Variants in TOP1 observed in about 807,000 individuals in gnomAD.
The protein encoded by TOP1 is DNA topoisomerase 1.
Under a neutral mutation model 111.1 loss-of-function variants are expected in TOP1, and 10 were observed. The ratio of observed to expected loss-of-function variants is 0.09; its 90% CI spans 0.06 to 0.15. TOP1 has a LOEUF of 0.15. Ranked by LOEUF, TOP1 falls within the 10% of genes least tolerant of loss-of-function variation. The pLI, the probability that TOP1 is intolerant of heterozygous loss-of-function variation, is 1.00. For missense variants in TOP1, 474 were observed against 926.7 expected (o/e 0.51, Z 6.34); for synonymous variants, 271 against 302.9 (o/e 0.89, Z 1.10).
chr20:41,048,338 TATCTG>T (rs1479729886), intron 2 of TOP1, among the ~76,000 whole-genome samples: 9 of 152,222 alleles, frequency 5.9e-5, no homozygotes, highest in Non-Finnish European at 1.3e-4. Flanking sequence ...TGTGTTAAAA[TATCTG>T]AGGATGATTC....
intron 13 of TOP1, among the ~76,000 whole-genome samples, chr20:41,111,374 A>G (rs2034237046): frequency 6.6e-6 from 1 of 152,190 alleles, no homozygotes; most frequent in African/African-American, 2.4e-5. Context: ...CAACTACTAA[A>G]TCACCCACCC....
At position 41,069,530 on chromosome 20, in the gene TOP1, GTT is replaced by G. The variant is rs930794923; in HGVS notation, c.156-6638_156-6637del. On this transcript the variant is annotated intron_variant, in intron 3 of 20. Transcript: ENST00000361337. The surrounding 1 kb of genome is among the most constrained non-coding windows in gnomAD (Gnocchi z 4.1). ...TTAACTTCTCTGGGTCTCATTTTCTGTTTTGGTCAAGGGTTGATAACAGTACC... is the reference window on the plus strand; with the variant it reads ...TTAACTTCTCTGGGTCTCATTTTCTGTTGGTCAAGGGTTGATAACAGTACC... 6.6e-6 allele frequency among the ~76,000 whole-genome samples: 1 copy of G among 152,178 alleles called. No individual in the cohort carries two copies. The highest frequency in any genetic ancestry group is 2.4e-5 in the African/African-American group (1 of 41,446).
rs2033930005 is a variant in TOP1 at position 41,092,322 on chromosome 20, G to T, written c.615-150G>T. 2.2e-6 allele frequency: 1 copy of T among 457,390 alleles called. No homozygotes were observed. The highest frequency in any genetic ancestry group is 4.0e-5 in the Admixed American group (1 of 25,294). 28.3% of individuals were successfully genotyped at this position (457,390 alleles called of 1,614,324 possible). A position where few individuals can be genotyped will look rare whatever the true frequency, so the allele number is the denominator to read the frequency against. On this transcript the variant is annotated intron_variant, in intron 8 of 20. Coordinates refer to ENST00000361337, the MANE Select transcript of TOP1 (RefSeq NM_003286.4). The surrounding 1 kb of genome is among the most constrained non-coding windows in gnomAD (Gnocchi z 4.3). The stretch of plus-strand genomic sequence containing the variant: ...GGCTTTTTCAAAATGAGAGACACTG[G>T]TTCTTTTGATCCAGGCCTTGAATGT...
Position 41,104,093 on chromosome 20 carries a change from G to T in TOP1, c.1308+2740G>T, listed in dbSNP as rs187699203. ...CTCTTTAACATGGCATTTAAAGCTG[G>T]CCACATTTAGCAGTGGATGTCACAG... On this transcript the variant is annotated intron_variant, in intron 13 of 20. Coordinates refer to ENST00000361337, the MANE Select transcript of TOP1 (RefSeq NM_003286.4). 6.6e-5 allele frequency among the ~76,000 whole-genome samples: 10 copies of T among 152,254 alleles called. No homozygotes were observed. The East Asian group carries it at 1.9e-3, about 29-fold the overall frequency.
In TOP1 at chr20:41,102,693, T is replaced by C. The variant is rs547095181; in HGVS notation, c.1308+1340T>C. On this transcript the variant is annotated intron_variant, in intron 13 of 20. Coordinates refer to ENST00000361337, the MANE Select transcript of TOP1 (RefSeq NM_003286.4). This position sits in a 1 kb window ranked among gnomAD's most constrained non-coding sequence, Gnocchi z 4.0. ...TACAAAATCAGAAAGCGAACACTTA[T>C]GTTGAGCAGACTAGTCATTTAAAGA... is the stretch of plus-strand genomic sequence containing the variant. 2.2e-4 allele frequency among the ~76,000 whole-genome samples: 33 copies of C among 152,332 alleles called. No individual in the cohort carries two copies. The highest frequency in any genetic ancestry group is 5.9e-4 in the Admixed American group (9 of 15,300).
chr20:41,042,044 G>C (rs1297081972), intron 2 of TOP1, among the ~76,000 whole-genome samples: 2 of 152,076 alleles, frequency 1.3e-5, no homozygotes, highest in Admixed American at 1.3e-4. Context: ...GAGTACCTGG[G>C]ATTACAGGCA....
chr20:41,080,237 T>C lies in TOP1; in HGVS notation c.431+57T>C. On this transcript the variant is annotated intron_variant, in intron 6 of 20. Coordinates refer to ENST00000361337, the MANE Select transcript of TOP1 (RefSeq NM_003286.4). This position sits in a 1 kb window ranked among gnomAD's most constrained non-coding sequence, Gnocchi z 5.0. ...AAACAAAAAGGAGGAGTTTAAAGAATAAATGTGATGTGTTTCTTTATAATA... is the reference window on the plus strand; with the variant it reads ...AAACAAAAAGGAGGAGTTTAAAGAACAAATGTGATGTGTTTCTTTATAATA... 9.6e-7 allele frequency: 1 copy of C among 1,038,104 alleles called. No homozygotes were observed. Among genetic ancestry groups the C allele is most frequent in the Non-Finnish European group, 1.4e-6 (1 of 690,600 alleles). The allele number at this position is 1,038,104 out of a possible 1,614,324, so 64.3% of individuals were successfully genotyped here.
chr20:41,055,026 C>T (rs939911568), intron 2 of TOP1, among the ~76,000 whole-genome samples: 1 of 152,160 alleles, frequency 6.6e-6, no homozygotes, highest in South Asian at 2.1e-4. Flanking sequence ...ATCTGTTTAA[C>T]TTATCTGTCC....
rs1038334735 is a variant in TOP1, at chr20:41,028,859, C to T, written c.-209C>T. The T allele has an allele frequency of 7.2e-6, 4 of 554,622 alleles. No homozygotes were observed. The highest frequency in any genetic ancestry group is 4.0e-5 in the African/African-American group (2 of 49,806). 34.4% of individuals were successfully genotyped at this position (554,622 alleles called of 1,614,324 possible). ...TAGGCTGTTACACAACTGCTGGGGT[C>T]TGTTCTCGCCGCCCGCCCGGCAGTC... On this transcript the variant is annotated 5_prime_UTR_variant, in exon 1 of 21. Transcript: ENST00000361337.
Position 41,029,123 on chromosome 20 carries a change from CGGCCCCG to C in TOP1, c.33+25_33+31del. The C allele has an allele frequency of 6.8e-7, 1 of 1,476,916 alleles. No individual in the cohort carries two copies. The highest frequency in any genetic ancestry group is 9.0e-7 in the Non-Finnish European group (1 of 1,114,478). 91.5% of individuals were successfully genotyped at this position (1,476,916 alleles called of 1,614,324 possible). A position where few individuals can be genotyped will look rare whatever the true frequency, so the allele number is the denominator to read the frequency against. Reference sequence around the variant, plus strand: ...CAGGTACGGCCCGGCCTGACCCTGGCGGCCCCGGACCCCGGCCTGGCCGTCCCGCGAC... The same window carrying C: ...CAGGTACGGCCCGGCCTGACCCTGGCGACCCCGGCCTGGCCGTCCCGCGAC... On this transcript the variant is annotated intron_variant, in intron 1 of 20. Coordinates refer to ENST00000361337, the MANE Select transcript of TOP1 (RefSeq NM_003286.4). The surrounding 1 kb of genome is among the most constrained non-coding windows in gnomAD (Gnocchi z 6.1).
In TOP1 at chr20:41,118,934, C is replaced by T. The variant is rs1277564454; in HGVS notation, c.1950+638C>T. Among the ~76,000 whole-genome samples the T allele has an allele frequency of 5.3e-5, 8 of 152,176 alleles. No homozygotes were observed. Among genetic ancestry groups the T allele is most frequent in the African/African-American group, 1.7e-4 (7 of 41,428 alleles). Reference sequence around the variant, plus strand: ...GGTACTGAGCTTTTAAACCATAAGGCACTTAACATTTGATGATGAACATTT... The same window carrying T: ...GGTACTGAGCTTTTAAACCATAAGGTACTTAACATTTGATGATGAACATTT... On this transcript the variant is annotated intron_variant, in intron 18 of 20. Coordinates refer to ENST00000361337, the MANE Select transcript of TOP1 (RefSeq NM_003286.4). The surrounding 1 kb of genome is among the most constrained non-coding windows in gnomAD (Gnocchi z 4.6).
Position 41,094,369 on chromosome 20 carries a change from A to C in TOP1, c.730+1782A>C, listed in dbSNP as rs17264166. Among the ~76,000 whole-genome samples the C allele has an allele frequency of 0.068, 10,296 of 152,288 alleles. 374 individuals are homozygous for C. The highest frequency in any genetic ancestry group is 0.17 in the Middle Eastern group (50 of 292). ...CTTGAAGAGCACCATCTCAAAGCGT[A>C]GGTATTCCGTAGGCCTGGTCTGGAC... On this transcript the variant is annotated intron_variant, in intron 9 of 20. Transcript: ENST00000361337. This position sits in a 1 kb window ranked among gnomAD's most constrained non-coding sequence, Gnocchi z 4.4.
Position 41,116,467 on chromosome 20 carries a change from G to A in TOP1, c.1822+75G>A. On this transcript the variant is annotated intron_variant, in intron 17 of 20. Transcript: ENST00000361337. This position sits in a 1 kb window ranked among gnomAD's most constrained non-coding sequence, Gnocchi z 5.6. ...GGTGACCTTGCTTATCTAAGGCCTAGAGTCAGTTCTACTTTTTTTCCCTAC... is the reference window on the plus strand; with the variant it reads ...GGTGACCTTGCTTATCTAAGGCCTAAAGTCAGTTCTACTTTTTTTCCCTAC... 8.5e-7 allele frequency: 1 copy of A among 1,175,418 alleles called. No individual in the cohort carries two copies. Among genetic ancestry groups the A allele is most frequent in the South Asian group, 1.3e-5 (1 of 78,002 alleles). 72.8% of individuals were successfully genotyped at this position (1,175,418 alleles called of 1,614,324 possible).
chr20:41,084,913 G>A (rs949647178), intron 8 of TOP1, among the ~76,000 whole-genome samples: 5 of 152,080 alleles, frequency 3.3e-5, no homozygotes, highest in Non-Finnish European at 2.9e-5. Context: ...AAAACTGCCT[G>A]TTCAACAACA....
chr20:41,101,094 T>C lies in TOP1; in HGVS notation c.1164-115T>C, dbSNP rs570882975. ...CATAAGGTGGGACTACTGTATTGAC[T>C]GTTAAGAAGGAAACTTGGAAAATTA... On this transcript the variant is annotated intron_variant, in intron 12 of 20. Transcript: ENST00000361337. The surrounding 1 kb of genome is among the most constrained non-coding windows in gnomAD (Gnocchi z 4.1). 9.0e-7 allele frequency: 1 copy of C among 1,112,574 alleles called. No homozygotes were observed. The highest frequency in any genetic ancestry group is 1.6e-5 in the African/African-American group (1 of 64,428). The allele number at this position is 1,112,574 out of a possible 1,614,324, so 68.9% of individuals were successfully genotyped here. A position where few individuals can be genotyped will look rare whatever the true frequency, so the allele number is the denominator to read the frequency against.
intron 2 of TOP1, among the ~76,000 whole-genome samples, chr20:41,059,674 C>T: frequency 1.3e-5 from 2 of 151,826 alleles, no homozygotes. Flanking sequence ...CATACAGACC[C>T]TAAAAGAGAA....
At position 41,083,074 on chromosome 20, in the gene TOP1, G is replaced by GT. The variant is rs1383671610; in HGVS notation, c.508-1381dup. On this transcript the variant is annotated intron_variant, in intron 7 of 20. Transcript: ENST00000361337. This position sits in a 1 kb window ranked among gnomAD's most constrained non-coding sequence, Gnocchi z 7.2. ...GCCAACTATAGTTTTTTTGTTTTTT[G>GT]TTTTTTTCTCTTGTTTTTGAGAATT... 6.6e-6 allele frequency among the ~76,000 whole-genome samples: 1 copy of GT among 151,822 alleles called. No individual in the cohort carries two copies. Among genetic ancestry groups the GT allele is most frequent in the African/African-American group, 2.4e-5 (1 of 41,366 alleles).
chr20:41,120,515 C>G (rs1176829845), intron 18 of TOP1, among the ~76,000 whole-genome samples: 2 of 152,358 alleles, frequency 1.3e-5, no homozygotes, highest in Middle Eastern at 3.4e-3. Context: ...GACAGGGGCT[C>G]TAGCTCCATG....
intron 2 of TOP1, among the ~76,000 whole-genome samples, chr20:41,055,021 TTTAAC>T (rs1313844516): frequency 6.6e-6 from 1 of 152,230 alleles, no homozygotes; most frequent in Non-Finnish European, 1.5e-5. Context: ...GTTCTATCTG[TTTAAC>T]TTATCTGTCC....
Sources: gnomAD v4.1 joint callset for allele counts (sites outside exome capture counted in the v4.1 genomes callset) on GRCh38, gnomAD v4.1.1 for gene constraint, Gnocchi (gnomAD v3.1) non-coding constraint, MANE v1.5 for transcripts, NCBI Gene and HGNC (gene_info 2026-07-23, HGNC 2026-07-21) for gene names.